The following DLC1 variants were observed in gnomAD, a reference collection of about 807,000 sequenced individuals.
DLC1 encodes DLC1 Rho GTPase activating protein.
DLC1 carries 54 observed loss-of-function variants against 140.3 expected under a neutral mutation model. That is an observed-to-expected ratio of 0.38 (90% confidence interval 0.31 to 0.48). The LOEUF is 0.48. DLC1 is among the 20% of genes least tolerant of loss of function. The pLI is 0.96. For missense variants in DLC1, 2,536 were observed against 1,907.0 expected, an observed-to-expected ratio of 1.33 and a Z score of -6.14; for synonymous variants, 986 against 728.1, an observed-to-expected ratio of 1.35 and a Z score of -5.70.
intron 1 of DLC1, among the ~76,000 whole-genome samples, chr8:13,589,650 A>G (rs1029125879): frequency 6.8e-6 from 1 of 147,662 alleles, no homozygotes; most frequent in Non-Finnish European, 1.5e-5. Context: ...GTGAATTGTT[A>G]TGTTCATCCT....
chr8:13,109,622 C>T (rs1372708), intron 7 of DLC1, among the ~76,000 whole-genome samples: 99,137 of 151,404 alleles, frequency 0.65, 37,025 homozygotes, highest in East Asian at 0.86. Context: ...CGGTGGCTCA[C>T]GCCTGTAATC....
intron 1 of DLC1, among the ~76,000 whole-genome samples, chr8:13,532,903 A>C (rs1184342912): frequency 6.6e-6 from 1 of 152,192 alleles, no homozygotes; most frequent in Admixed American, 6.5e-5. Flanking sequence ...TATTCCAATG[A>C]TATAAGTTAA....
At chr8:13,497,857 G>T (rs1585206705) in intron 2 of DLC1, among the ~76,000 whole-genome samples, 1 of 152,260 alleles carries the variant, frequency 6.6e-6, no homozygotes, top group East Asian at 1.9e-4. Flanking sequence ...AGCACAAAAT[G>T]CTCTGTTAGC....
intron 5 of DLC1, chr8:13,133,192 G>C (rs1199129150): frequency 3.5e-6 from 5 of 1,426,632 alleles, no homozygotes; most frequent in Non-Finnish European, 4.6e-6. Flanking sequence ...TCAGGGAGTT[G>C]GGCGAGAAGT....
chr8:13,486,584 C>G (rs1563389230), intron 2 of DLC1, among the ~76,000 whole-genome samples: 1 of 152,088 alleles, frequency 6.6e-6, no homozygotes, highest in Non-Finnish European at 1.5e-5. Context: ...AGTTACAGCT[C>G]CTTGGTCTTG....
At chr8:13,234,237 T>C (rs946845712) in intron 5 of DLC1, among the ~76,000 whole-genome samples, 2 of 152,108 alleles carry the variant, frequency 1.3e-5, no homozygotes, top group African/African-American at 2.4e-5. Flanking sequence ...TAAGGCCAAG[T>C]CAAGATAGAT....
At chr8:13,119,531 C>T (rs1820856681) in intron 5 of DLC1, among the ~76,000 whole-genome samples, 1 of 152,102 alleles carries the variant, frequency 6.6e-6, no homozygotes, top group Non-Finnish European at 1.5e-5. Context: ...CGCATAAGGC[C>T]CTGTCTAAGC....
chr8:13,086,260 C>A (rs752146332), intron 17 of DLC1, 30 bp downstream of exon 17: 4 of 1,601,966 alleles, frequency 2.5e-6, no homozygotes, highest in African/African-American at 2.7e-5. Flanking sequence ...ATGACCCTCA[C>A]CATATAAAAA....
chr8:13,143,891 G>A (rs1182039272), intron 5 of DLC1, among the ~76,000 whole-genome samples: 1 of 150,656 alleles, frequency 6.6e-6, no homozygotes. Context: ...TTTCAGCCCA[G>A]AGCTGTTTGA....
intron 13 of DLC1, 80 bp downstream of exon 13, chr8:13,092,532 C>T (rs1323759430): frequency 7.4e-6 from 11 of 1,493,486 alleles, no homozygotes; most frequent in Non-Finnish European, 1.0e-5. Context: ...GAAAGAGTCC[C>T]ACAAAACCAC....
At position 13,305,200 on chromosome 8, in the gene DLC1, T is replaced by C. The variant is rs779008886; in HGVS notation, c.1348+69A>G. 18 of 1,576,026 alleles carry C rather than the reference T, an allele frequency of 1.1e-5. No homozygotes were observed. The East Asian group carries it at 4.1e-4, about 36-fold the overall frequency. ...TATACATTTTATATATTTAATAAAA[T>C]GCCTATTTTAAGGTGAAATTTATTC... On this transcript the variant is annotated intron_variant, in intron 5 of 17. Coordinates refer to ENST00000276297, the MANE Select transcript of DLC1 (RefSeq NM_182643.3).
At chr8:13,538,525 G>T (rs907243449) in intron 1 of DLC1, among the ~76,000 whole-genome samples, 7 of 152,002 alleles carry the variant, frequency 4.6e-5, no homozygotes, top group Admixed American at 3.3e-4. Flanking sequence ...TGTGTGGCTC[G>T]GTTCTTTGGC....
chr8:13,424,739 A>AT (rs1295147616), intron 2 of DLC1, among the ~76,000 whole-genome samples: 1 of 151,706 alleles, frequency 6.6e-6, no homozygotes, highest in Admixed American at 6.6e-5. Flanking sequence ...CGCTTGGCTA[A>AT]TTTTTTTGTA....
chr8:13,331,391 A>G (rs1029338182), intron 4 of DLC1, among the ~76,000 whole-genome samples: 1 of 152,206 alleles, frequency 6.6e-6, no homozygotes, highest in African/African-American at 2.4e-5. Context: ...TAAGCTGAAT[A>G]GTATTTTAAT....
chr8:13,545,552 C>T (rs1466756918), intron 1 of DLC1, among the ~76,000 whole-genome samples: 2 of 151,958 alleles, frequency 1.3e-5, no homozygotes, highest in Admixed American at 6.6e-5. Flanking sequence ...TCTGCTCAGT[C>T]AATTGTAAAT....
chr8:13,219,444 A>G (rs1324162402), intron 5 of DLC1, among the ~76,000 whole-genome samples: 1 of 49,184 alleles, frequency 2.0e-5, no homozygotes, highest in Non-Finnish European at 3.9e-5. Context: ...ATAATTTATA[A>G]AATATATAAA....
intron 4 of DLC1, among the ~76,000 whole-genome samples, chr8:13,352,365 T>A (rs1413161396): frequency 6.6e-6 from 1 of 152,222 alleles, no homozygotes; most frequent in Non-Finnish European, 1.5e-5. Context: ...TATTTTATTT[T>A]GTATTTTTTT....
chr8:13,401,302 A>C (rs539192076), intron 3 of DLC1, among the ~76,000 whole-genome samples, 168 bp downstream of exon 3: 1 of 152,342 alleles, frequency 6.6e-6, no homozygotes, highest in African/African-American at 2.4e-5. Flanking sequence ...AATTATGCAT[A>C]GAATGTATGC....
At chr8:13,507,293 G>T (rs1802139980) in intron 1 of DLC1, among the ~76,000 whole-genome samples, 2 of 152,126 alleles carry the variant, frequency 1.3e-5, no homozygotes, top group Admixed American at 1.3e-4. Context: ...AAGCCAGAAA[G>T]CCCAGGGAAG....
Sources: gnomAD v4.1 joint callset for allele counts (sites outside exome capture counted in the v4.1 genomes callset) on GRCh38, gnomAD v4.1.1 for gene constraint, MANE v1.5 for transcripts, NCBI Gene and HGNC (gene_info 2026-07-23, HGNC 2026-07-21) for gene names.